The following TCF4 variants were observed in gnomAD, a reference collection of about 807,000 sequenced individuals.
TCF4 encodes SL3-3 enhancer factor 2.
In TCF4, 3 loss-of-function variants were observed where a neutral mutation model predicts 82.1. The observed-to-expected ratio is 0.04, with a 90% CI of 0.02 to 0.09. The LOEUF (loss-of-function observed/expected upper bound fraction) is 0.09. Among genes scored for constraint, TCF4 ranks in the 10% least tolerant of loss-of-function variants. The probability of loss-of-function intolerance (pLI) is 1.00; values close to 1 mark genes in which losing one functional copy is unlikely to be tolerated. For synonymous variants in TCF4, 276 were observed against 309.6 expected (o/e 0.89, Z 1.14); for missense variants, 518 against 852.7 (o/e 0.61, Z 4.89).
rs537933999 is a variant in TCF4, at chr18:55,525,236, CA to C, written c.145+60043del. 8.3e-3 allele frequency among the ~76,000 whole-genome samples: 1,180 copies of C among 141,774 alleles called. 10 individuals are homozygous for C. Among genetic ancestry groups the C allele is most frequent in the African/African-American group, 0.022 (842 of 39,080 alleles). The allele number at this position is 141,774 out of a possible 152,430, so 93.0% of individuals were successfully genotyped here. ...AATCAAGTGAGTTTACATTTTGAATCAAAAAAAAAAAAATCTCAATTACATG... is the reference window on the plus strand; with the variant it reads ...AATCAAGTGAGTTTACATTTTGAATCAAAAAAAAAAAATCTCAATTACATG... On this transcript the variant is annotated intron_variant, in intron 3 of 19. Transcript: ENST00000354452.
intron 3 of TCF4, among the ~76,000 whole-genome samples, chr18:55,508,648 G>A (rs1161305409): frequency 2.0e-5 from 3 of 152,096 alleles, no homozygotes; most frequent in African/African-American, 4.8e-5. Context: ...GTAAGTGGTC[G>A]AGCTGAGATT....
chr18:55,475,517 T>C (rs1441820877), intron 3 of TCF4, among the ~76,000 whole-genome samples: 1 of 152,188 alleles, frequency 6.6e-6, no homozygotes, highest in South Asian at 2.1e-4. Context: ...CAGTAACCTA[T>C]GGAAAGATTC....
chr18:55,318,851 TAAA>T (rs2074800845), intron 8 of TCF4, among the ~76,000 whole-genome samples: 1 of 152,184 alleles, frequency 6.6e-6, no homozygotes, highest in African/African-American at 2.4e-5. Context: ...TGCCAGTTCA[TAAA>T]AGAAGAAACC....
At chr18:55,239,336 C>A (rs1170754127) in intron 15 of TCF4, among the ~76,000 whole-genome samples, 2 of 152,082 alleles carry the variant, frequency 1.3e-5, no homozygotes, top group Non-Finnish European at 2.9e-5. Context: ...AAAGCTAAGG[C>A]CAAGAATGGT....
intron 3 of TCF4, among the ~76,000 whole-genome samples, chr18:55,529,595 A>C (rs1462482888): frequency 1.3e-5 from 2 of 152,182 alleles, no homozygotes; most frequent in East Asian, 3.8e-4. Flanking sequence ...TTATTGTTTT[A>C]GATCAGTTTT....
chr18:55,421,625 A>G (rs1569449515), intron 5 of TCF4, among the ~76,000 whole-genome samples: 1 of 152,220 alleles, frequency 6.6e-6, no homozygotes, highest in Non-Finnish European at 1.5e-5. Context: ...GTACACTTCT[A>G]TTTTCCCTTT....
intron 3 of TCF4, among the ~76,000 whole-genome samples, chr18:55,499,885 C>A (rs1249062340): frequency 6.6e-6 from 1 of 152,162 alleles, no homozygotes; most frequent in Non-Finnish European, 1.5e-5. Flanking sequence ...GCAATGTCTG[C>A]ATATTTTAAA....
chr18:55,229,235 A>T (rs2047182593), intron 17 of TCF4, 159 bp from the exon 18 acceptor site: 1 of 785,316 alleles, frequency 1.3e-6, no homozygotes, highest in Non-Finnish European at 2.2e-6. Flanking sequence ...ATTGGTTTAG[A>T]TGGCTTTGAC....
At chr18:55,542,195 T>C (rs1323641331) in intron 3 of TCF4, among the ~76,000 whole-genome samples, 1 of 152,036 alleles carries the variant, frequency 6.6e-6, no homozygotes, top group Non-Finnish European at 1.5e-5. Flanking sequence ...TGTGTGAATA[T>C]AGTGGCAAAT....
intron 2 of TCF4, among the ~76,000 whole-genome samples, chr18:55,605,449 A>G (rs2097701383): frequency 6.6e-6 from 1 of 152,198 alleles, no homozygotes; most frequent in Non-Finnish European, 1.5e-5. Flanking sequence ...CAGTGGGCTG[A>G]TTAGACTCTG....
chr18:55,547,621 A>G (rs2097217990), intron 3 of TCF4, among the ~76,000 whole-genome samples: 1 of 152,176 alleles, frequency 6.6e-6, no homozygotes, highest in South Asian at 2.1e-4. Context: ...TTCCTAATAA[A>G]GCCTTGTCTA....
intron 8 of TCF4, among the ~76,000 whole-genome samples, chr18:55,324,430 T>C (rs2076214196): frequency 1.3e-5 from 2 of 152,212 alleles, no homozygotes; most frequent in African/African-American, 4.8e-5. Flanking sequence ...GTGACAGAAA[T>C]ATCATCCATG....
chr18:55,366,932 T>C (rs1002990524), intron 6 of TCF4, among the ~76,000 whole-genome samples: 1 of 152,238 alleles, frequency 6.6e-6, no homozygotes, highest in Admixed American at 6.5e-5. Flanking sequence ...ATCATAACTA[T>C]TAACAATTTT....
chr18:55,372,683 C>G (rs2089619795), intron 6 of TCF4, among the ~76,000 whole-genome samples: 1 of 151,914 alleles, frequency 6.6e-6, no homozygotes, highest in Non-Finnish European at 1.5e-5. Flanking sequence ...ACATGGTCCA[C>G]AAAAATTAGC....
At chr18:55,286,249 GTC>G (rs1426012815) in intron 8 of TCF4, among the ~76,000 whole-genome samples, 4 of 130,100 alleles carry the variant, frequency 3.1e-5, no homozygotes, top group Non-Finnish European at 4.8e-5. Context: ...GTATAATTGG[GTC>G]TCTCTATTCT....
At position 55,577,994 on chromosome 18, in the gene TCF4, A is replaced by G. The variant is rs535556029; in HGVS notation, c.145+7286T>C. Among the ~76,000 whole-genome samples the G allele has an allele frequency of 9.9e-5, 15 of 152,256 alleles. No individual in the cohort carries two copies. In the South Asian group the frequency reaches 2.3e-3, roughly 23 times the overall value. On this transcript the variant is annotated intron_variant, in intron 3 of 19. Transcript: ENST00000354452. ...TGCTGTAACCCAGGGTCATAATTCA[A>G]TCAAGCTGGATTTTGACGTCATCCG...
At chr18:55,318,158 T>G (rs935919486) in intron 8 of TCF4, among the ~76,000 whole-genome samples, 1 of 152,132 alleles carries the variant, frequency 6.6e-6, no homozygotes, top group African/African-American at 2.4e-5. Context: ...TTATTTGCCA[T>G]AATTTTATCT....
intron 6 of TCF4, among the ~76,000 whole-genome samples, chr18:55,378,074 A>T (rs2091190191): frequency 6.6e-6 from 1 of 152,178 alleles, no homozygotes; most frequent in Non-Finnish European, 1.5e-5. Context: ...TTAGGCTTTG[A>T]AAACTTAAAA....
At chr18:55,453,615 A>T (rs1274437668) in intron 5 of TCF4, among the ~76,000 whole-genome samples, 1 of 152,098 alleles carries the variant, frequency 6.6e-6, no homozygotes, top group Non-Finnish European at 1.5e-5. Context: ...TAGTAAACCT[A>T]GTTGGACTCT....
Sources: gnomAD v4.1 joint callset for allele counts (sites outside exome capture counted in the v4.1 genomes callset) on GRCh38, gnomAD v4.1.1 for gene constraint, MANE v1.5 for transcripts, NCBI Gene and HGNC (gene_info 2026-07-23, HGNC 2026-07-21) for gene names.